Variants in ENTPD1 observed in about 807,000 individuals in gnomAD.
ENTPD1 encodes the protein ATP diphosphohydrolase.
Under a neutral mutation model 57.0 loss-of-function variants are expected in ENTPD1, and 33 were observed. The observed-to-expected ratio is 0.58, with a 90% CI of 0.44 to 0.77. ENTPD1 has a LOEUF of 0.77. Ranked by LOEUF, ENTPD1 falls within the 30% of genes least tolerant of loss-of-function variation. The pLI is 0.00. For synonymous variants in ENTPD1, 202 were observed against 218.8 expected (o/e 0.92, Z 0.68); for missense variants, 501 against 603.4 (o/e 0.83, Z 1.78).
chr10:95,777,291 G>A, intron 1 of ENTPD1, among the ~76,000 whole-genome samples: 1 of 152,184 alleles, frequency 6.6e-6, no homozygotes, highest in Non-Finnish European at 1.5e-5. Flanking sequence ...GGTCTTTGAT[G>A]TTGGTGACCT....
chr10:95,778,085 G>A (rs2098141401), intron 1 of ENTPD1, among the ~76,000 whole-genome samples: 1 of 152,196 alleles, frequency 6.6e-6, no homozygotes, highest in East Asian at 1.9e-4. Context: ...GAAATCCCCT[G>A]ATCCCTTGCG....
Position 95,867,873 on chromosome 10 carries a change from C to G in ENTPD1, c.*1490C>G. The G allele has an allele frequency of 1.0e-6, 1 of 985,384 alleles. No homozygotes were observed. Among genetic ancestry groups the G allele is most frequent in the South Asian group, 4.7e-5 (1 of 21,280 alleles). The allele number at this position is 985,384 out of a possible 1,614,324, so 61.0% of individuals were successfully genotyped here. Reference sequence around the variant, plus strand: ...ATGATCAAGTCACTTTTGACAACATCCAGGTGAATATAAAAACTTAATAAA... The same window carrying G: ...ATGATCAAGTCACTTTTGACAACATGCAGGTGAATATAAAAACTTAATAAA... On this transcript the variant is annotated 3_prime_UTR_variant, in exon 10 of 10. Coordinates refer to ENST00000371205, the MANE Select transcript of ENTPD1 (RefSeq NM_001776.6).
intron 1 of ENTPD1, among the ~76,000 whole-genome samples, chr10:95,764,263 G>A (rs2098079501): frequency 6.6e-6 from 1 of 152,166 alleles, no homozygotes; most frequent in African/African-American, 2.4e-5. Context: ...ATATCCCATT[G>A]AATGTATATA....
rs1431910539 is a variant in ENTPD1 at position 95,835,777 on chromosome 10, G to A, written c.145-3914G>A. Among the ~76,000 whole-genome samples the A allele has an allele frequency of 5.7e-5, 8 of 140,308 alleles. No individual in the cohort carries two copies. The East Asian group carries it at 1.4e-3, about 24-fold the overall frequency. 92.0% of individuals were successfully genotyped at this position (140,308 alleles called of 152,430 possible). A position where few individuals can be genotyped will look rare whatever the true frequency, so the allele number is the denominator to read the frequency against. ...TTTATGTCTTTGACCCACTTTTTGT[G>A]TGTTTACTCTGTCACTGGTTTTTTT... On this transcript the variant is annotated intron_variant, in intron 2 of 9. Coordinates refer to ENST00000371205, the MANE Select transcript of ENTPD1 (RefSeq NM_001776.6).
chr10:95,823,204 G>C (rs1252101366), intron 1 of ENTPD1, 33 bp from the exon 2 acceptor site: 2 of 1,613,064 alleles, frequency 1.2e-6, no homozygotes, highest in Non-Finnish European at 1.7e-6. Flanking sequence ...TTGATTTCTT[G>C]TTGGTATTTT....
intron 1 of ENTPD1, among the ~76,000 whole-genome samples, chr10:95,792,537 C>T (rs958351035): frequency 2.6e-5 from 4 of 152,156 alleles, no homozygotes; most frequent in African/African-American, 4.8e-5. Flanking sequence ...TGGTTAACAT[C>T]GGGTTACTCT....
At position 95,872,818 on chromosome 10, in the gene ENTPD1, C is replaced by T. The variant is rs1335068721; in HGVS notation, c.*6435C>T. The T allele has an allele frequency of 5.1e-6, 5 of 985,402 alleles. No individual in the cohort carries two copies. Among genetic ancestry groups the T allele is most frequent in the Non-Finnish European group, 6.0e-6 (5 of 829,916 alleles). The allele number at this position is 985,402 out of a possible 1,614,324, so 61.0% of individuals were successfully genotyped here. On this transcript the variant is annotated 3_prime_UTR_variant, in exon 10 of 10. Coordinates refer to ENST00000371205, the MANE Select transcript of ENTPD1 (RefSeq NM_001776.6). Reference sequence around the variant, plus strand: ...TCTTGATGTAACCATCTTCTTTCTCCAGGTTTTAAGAACCAGCCCAACTCC... The same window carrying T: ...TCTTGATGTAACCATCTTCTTTCTCTAGGTTTTAAGAACCAGCCCAACTCC...
At chr10:95,705,817 G>T in the ENTPD1 span, among the ~76,000 whole-genome samples, 5 of 152,310 alleles carry the variant, frequency 3.3e-5, no homozygotes, top group Admixed American at 6.5e-5. Flanking sequence ...AATGATAATC[G>T]TGTTGATTTG....
chr10:95,771,417 T>A (rs2098115550), intron 1 of ENTPD1, among the ~76,000 whole-genome samples: 1 of 152,228 alleles, frequency 6.6e-6, no homozygotes, highest in Non-Finnish European at 1.5e-5. Flanking sequence ...TCTTTCCAAA[T>A]TTCAGCAGTG....
intron 7 of ENTPD1, among the ~76,000 whole-genome samples, chr10:95,858,168 A>T (rs1201154229): frequency 1.3e-5 from 2 of 151,944 alleles, no homozygotes; most frequent in Non-Finnish European, 2.9e-5. Flanking sequence ...AAAAAAAAAA[A>T]AAAAGTAACT....
In ENTPD1 at chr10:95,741,278, A is replaced by G. The variant is rs557136830; in HGVS notation, c.37+29285A>G. ...GTGTCTCAAGGAATAGGGAAGCCCA[A>G]GGAGAGGAGGAGATAGTGGGACAGA... On this transcript the variant is annotated intron_variant, in intron 1 of 9. Transcript: ENST00000453258. 5.3e-5 allele frequency among the ~76,000 whole-genome samples: 8 copies of G among 152,256 alleles called. No individual in the cohort carries two copies. The South Asian group carries it at 6.2e-4, about 12-fold the overall frequency.
intron 1 of ENTPD1, among the ~76,000 whole-genome samples, chr10:95,769,229 C>T (rs1447500912): frequency 2.0e-5 from 3 of 152,210 alleles, no homozygotes; most frequent in African/African-American, 7.2e-5. Flanking sequence ...TTTGCTCCTT[C>T]CCCACTGAGA....
At chr10:95,830,769 C>T (rs193053990) in intron 2 of ENTPD1, among the ~76,000 whole-genome samples, 2 of 152,258 alleles carry the variant, frequency 1.3e-5, no homozygotes. Context: ...CGCCACTGTA[C>T]TCCAGCCTGG....
At position 95,787,180 on chromosome 10, in the gene ENTPD1, G is replaced by A. The variant is rs192387467; in HGVS notation, c.16+30925G>A. Among the ~76,000 whole-genome samples the A allele has an allele frequency of 1.9e-4, 29 of 152,214 alleles. No individual in the cohort carries two copies. The East Asian group carries it at 4.6e-3, about 24-fold the overall frequency. On this transcript the variant is annotated intron_variant, in intron 1 of 9. Coordinates refer to ENST00000371205, the MANE Select transcript of ENTPD1 (RefSeq NM_001776.6). ...CATAATAAGATATATTAATTTCCAG[G>A]AAAAGAGTTGAGGGAGAAAAAAGGG...
Position 95,868,892 on chromosome 10 carries a change from C to T in ENTPD1, c.*2509C>T. On this transcript the variant is annotated 3_prime_UTR_variant, in exon 10 of 10. Coordinates refer to ENST00000371205, the MANE Select transcript of ENTPD1 (RefSeq NM_001776.6). ...AAAAATCCTTTAAGGTATTTGGGAG[C>T]CAAACTCAACTTGTTAAAATCTCAA... 1 of 985,308 alleles carries T rather than the reference C, an allele frequency of 1.0e-6. No homozygotes were observed. The highest frequency in any genetic ancestry group is 1.2e-6 in the Non-Finnish European group (1 of 829,922). The allele number at this position is 985,308 out of a possible 1,614,324, so 61.0% of individuals were successfully genotyped here. A position where few individuals can be genotyped will look rare whatever the true frequency, so the allele number is the denominator to read the frequency against.
At chr10:95,753,684 AT>A (rs1351644763), upstream of ENTPD1, 1 of 152,242 alleles carries the variant, frequency 6.6e-6, no homozygotes. Context: ...GTGACCTTGA[AT>A]TTTAATTTTG....
chr10:95,843,360 A>C (rs1354091331), intron 4 of ENTPD1: 1 of 152,200 alleles, frequency 6.6e-6, no homozygotes, highest in African/African-American at 2.4e-5. Flanking sequence ...TAGATAGAAG[A>C]TAGGTAAGTA....
At chr10:95,808,827 C>T (rs905635030) in intron 1 of ENTPD1, among the ~76,000 whole-genome samples, 1 of 151,756 alleles carries the variant, frequency 6.6e-6, no homozygotes, top group Non-Finnish European at 1.5e-5. Context: ...CAGATAAACA[C>T]GTGAACAAAG....
rs1283921840 is a variant in ENTPD1 at position 95,876,283 on chromosome 10, TATTA to T, written c.*9905_*9908del. Reference sequence around the variant, plus strand: ...CACAAGTTGATTTTGACATCCAACTTATTAATTATGAAATGACTTTTGGCCTAGT... The same window carrying T: ...CACAAGTTGATTTTGACATCCAACTTATTATGAAATGACTTTTGGCCTAGT... On this transcript the variant is annotated 3_prime_UTR_variant, in exon 10 of 10. Coordinates refer to ENST00000371205, the MANE Select transcript of ENTPD1 (RefSeq NM_001776.6). 1.4e-5 allele frequency: 14 copies of T among 980,998 alleles called. No individual in the cohort carries two copies. In the African/African-American group the frequency reaches 1.6e-4, roughly 11 times the overall value. 60.8% of individuals were successfully genotyped at this position (980,998 alleles called of 1,614,324 possible). A position where few individuals can be genotyped will look rare whatever the true frequency, so the allele number is the denominator to read the frequency against.
Sources: gnomAD v4.1 joint callset for allele counts (sites outside exome capture counted in the v4.1 genomes callset) on GRCh38, gnomAD v4.1.1 for gene constraint, MANE v1.5 for transcripts, NCBI Gene and HGNC (gene_info 2026-07-23, HGNC 2026-07-21) for gene names.